ZSCAN30: variants seen among roughly 807,000 people sequenced by gnomAD.
ZSCAN30 encodes zinc finger and SCAN domain containing 30, also known as zinc finger and SCAN domain-containing protein 30.
In ZSCAN30, 37 loss-of-function variants were observed where a neutral mutation model predicts 44.3. That is an observed-to-expected ratio of 0.84 (90% CI 0.64 to 1.10). The LOEUF (loss-of-function observed/expected upper bound fraction) is 1.10. Ranked by LOEUF, ZSCAN30 falls within the 50% of genes least tolerant of loss-of-function variation. The probability of loss-of-function intolerance (pLI) is 0.00; values close to 1 mark genes in which losing one functional copy is unlikely to be tolerated. For missense variants in ZSCAN30, 549 were observed against 582.6 expected, an observed-to-expected ratio of 0.94 and a Z score of 0.59; for synonymous variants, 181 against 204.6, an observed-to-expected ratio of 0.88 and a Z score of 0.98.
intron 1 of ZSCAN30, among the ~76,000 whole-genome samples, chr18:35,270,941 T>C (rs1598638219): frequency 1.3e-5 from 2 of 152,164 alleles, no homozygotes; most frequent in African/African-American, 4.8e-5. Flanking sequence ...TTGCAGTGAG[T>C]GTTAACAACT....
chr18:35,269,035 GAGA>G (rs942560512), intron 1 of ZSCAN30: 1 of 152,230 alleles, frequency 6.6e-6, no homozygotes, highest in African/African-American at 2.4e-5. Context: ...AGAGAAAAGG[GAGA>G]AGTTGAAGAT....
At chr18:35,282,732 A>C (rs1057417582) in intron 1 of ZSCAN30, 1 of 152,202 alleles carries the variant, frequency 6.6e-6, no homozygotes, top group Non-Finnish European at 1.5e-5. Flanking sequence ...AAACAGCCCC[A>C]GCTTCTGAAG....
Position 35,263,665 on chromosome 18 carries a change from T to TA in ZSCAN30, c.409-9dup. The TA allele has an allele frequency of 6.2e-7, 1 of 1,613,596 alleles. No individual in the cohort carries two copies. Among genetic ancestry groups the TA allele is most frequent in the Non-Finnish European group, 8.5e-7 (1 of 1,179,712 alleles). On this transcript the variant is annotated splice_polypyrimidine_tract_variant and intron_variant, in intron 2 of 3. Transcript: ENST00000333206. ...TTGGCCATGAGTTGTGTCCTAGGAG[T>TA]AATCAAGTACCAGCACTATCATTCT...
chr18:35,264,202 ACTT>A lies in ZSCAN30; in HGVS notation c.148_150del (p.Lys50del), dbSNP rs764375900. 2.4e-5 allele frequency: 39 copies of A among 1,614,178 alleles called. No individual in the cohort carries two copies. Among genetic ancestry groups the A allele is most frequent in the Non-Finnish European group, 3.3e-5 (39 of 1,180,034 alleles). ...GAGTCAGAGTAACTAAACTGCCTGAACTTCTGCCGGAATACCTCTTGGCTCCAG... is the reference window on the plus strand; with the variant it reads ...GAGTCAGAGTAACTAAACTGCCTGAACTGCCGGAATACCTCTTGGCTCCAG... On this transcript the variant is annotated inframe_deletion, in exon 2 of 4. Coordinates refer to ENST00000333206, the MANE Select transcript of ZSCAN30 (RefSeq NM_001112734.4).
intron 3 of ZSCAN30, 53 bp downstream of exon 3, chr18:35,263,460 A>C (rs531384312): frequency 1.2e-6 from 2 of 1,604,764 alleles, no homozygotes; most frequent in Non-Finnish European, 1.7e-6. Flanking sequence ...ACCGTGCCAC[A>C]GTTGATAGCT....
At chr18:35,285,889 A>G (rs911589899) in intron 1 of ZSCAN30, among the ~76,000 whole-genome samples, 1 of 152,168 alleles carries the variant, frequency 6.6e-6, no homozygotes, top group South Asian at 2.1e-4. Context: ...AGAAAATGAA[A>G]GACAATTTTT....
chr18:35,254,483 A>T, intron 3 of ZSCAN30, 102 bp from the exon 4 acceptor site: 2 of 1,574,002 alleles, frequency 1.3e-6, no homozygotes, highest in Non-Finnish European at 8.6e-7. Context: ...TTTATTTATT[A>T]GGAGGACAGT....
At chr18:35,276,176 T>A (rs2044363416) in intron 1 of ZSCAN30, among the ~76,000 whole-genome samples, 1 of 152,236 alleles carries the variant, frequency 6.6e-6, no homozygotes, top group African/African-American at 2.4e-5. Flanking sequence ...ATGGAAGATA[T>A]TCCTTCTTCT....
Position 35,263,653 on chromosome 18 carries a change from G to A in ZSCAN30, c.413C>T (p.Thr138Ile). 6.2e-7 allele frequency: 1 copy of A among 1,614,132 alleles called. No individual in the cohort carries two copies. The highest frequency in any genetic ancestry group is 1.3e-5 in the African/African-American group (1 of 75,010). The change falls in exon 3 of 4, where the codon ACA (threonine) becomes ATA (isoleucine). Residue 138 changes from threonine (T) to isoleucine (I), a missense_variant. Physicochemically the swap from Thr to Ile is moderately conservative, Grantham distance 89. Coordinates refer to ENST00000333206, the MANE Select transcript of ZSCAN30 (RefSeq NM_001112734.4). ...KELEEPRQQD[T>I]THGQEMFWQE... ...CCAGAACATTTCTTGGCCATGAGTT[G>A]TGTCCTAGGAGTAATCAAGTACCAG...
rs1052906565 is a variant in ZSCAN30 at position 35,252,232 on chromosome 18, T to C, written c.*1218A>G. ...GACTCTGAAGTACTCAGAATTAGTG[T>C]GGTGAGAGACTGGTGCATTTTATGG... On this transcript the variant is annotated 3_prime_UTR_variant, in exon 4 of 4. Coordinates refer to ENST00000333206, the MANE Select transcript of ZSCAN30 (RefSeq NM_001112734.4). 3 of 152,182 alleles carry C rather than the reference T, an allele frequency of 2.0e-5. No homozygotes were observed. The highest frequency in any genetic ancestry group is 7.2e-5 in the African/African-American group (3 of 41,432). 9.4% of individuals were successfully genotyped at this position (152,182 alleles called of 1,614,324 possible).
chr18:35,265,190 T>C (rs1445669863), intron 1 of ZSCAN30, among the ~76,000 whole-genome samples: 1 of 151,374 alleles, frequency 6.6e-6, no homozygotes, highest in East Asian at 1.9e-4. Flanking sequence ...GGCTACTAAG[T>C]CATAAGTTGA....
chr18:35,283,220 T>TAA (rs879891432), intron 1 of ZSCAN30: 2 of 139,042 alleles, frequency 1.4e-5, no homozygotes, highest in African/African-American at 2.8e-5. Context: ...CCGTCTCTAC[T>TAA]AAAAAAAAAA....
At chr18:35,258,259 A>C in intron 3 of ZSCAN30, 1 of 419,882 alleles carries the variant, frequency 2.4e-6, no homozygotes, top group Admixed American at 3.9e-5. Flanking sequence ...ACCACGCATA[A>C]ATGGAGAACG....
rs2044096026 is a variant in ZSCAN30 at position 35,264,134 on chromosome 18, G to T, written c.219C>A (p.Cys73Ter). The change falls in exon 2 of 4, where the codon TGC (cysteine) becomes TGA (stop). Residue 73 changes from cysteine (C) to a stop codon, truncating the protein, a stop_gained. Transcript: ENST00000333206. LOFTEE classifies it high-confidence loss of function. Reference protein sequence around the residue: ...REALSRLRELCCQWLRPEVHS... With the variant: ...REALSRLREL ...GCACCTCCGGCCTCAACCACTGACA[G>T]CAAAGCTCTCGCAGCCGGCTCAGAG... The T allele has an allele frequency of 2.5e-6, 4 of 1,614,226 alleles. No homozygotes were observed. The East Asian group carries it at 8.9e-5, about 36-fold the overall frequency.
chr18:35,264,868 C>T (rs1183283658), intron 1 of ZSCAN30, among the ~76,000 whole-genome samples: 1 of 152,060 alleles, frequency 6.6e-6, no homozygotes, highest in Non-Finnish European at 1.5e-5. Context: ...CCATTTTTGC[C>T]AGGCACGGTG....
At chr18:35,270,439 A>T (rs1409410316) in intron 1 of ZSCAN30, among the ~76,000 whole-genome samples, 1 of 152,040 alleles carries the variant, frequency 6.6e-6, no homozygotes, top group East Asian at 1.9e-4. Flanking sequence ...TTTGTTTCTC[A>T]TTTGCATATT....
At chr18:35,279,397 C>T (rs2044417176) in intron 1 of ZSCAN30, among the ~76,000 whole-genome samples, 4 of 152,344 alleles carry the variant, frequency 2.6e-5, no homozygotes, top group African/African-American at 9.6e-5. Flanking sequence ...TCTCCTCTGT[C>T]TCCTCTGTGT....
At chr18:35,272,920 A>C (rs1211859638) in intron 1 of ZSCAN30, among the ~76,000 whole-genome samples, 2 of 152,226 alleles carry the variant, frequency 1.3e-5, no homozygotes, top group African/African-American at 2.4e-5. Context: ...CCCCTTATCA[A>C]ACCATCAGAT....
chr18:35,279,578 C>G (rs920128583), intron 1 of ZSCAN30, among the ~76,000 whole-genome samples: 1 of 152,202 alleles, frequency 6.6e-6, no homozygotes, highest in Non-Finnish European at 1.5e-5. Context: ...ATTTATTTCT[C>G]ATAGTACTGG....
Sources: gnomAD v4.1 joint callset for allele counts (sites outside exome capture counted in the v4.1 genomes callset) on GRCh38, gnomAD v4.1.1 for gene constraint, MANE v1.5 for transcripts, NCBI Gene and HGNC (gene_info 2026-07-23, HGNC 2026-07-21) for gene names.